Variants in TSC22D4 observed in about 807,000 individuals in gnomAD.
TSC22D4 encodes the protein TSC22 domain family protein 4.
TSC22D4 carries 5 observed loss-of-function variants against 24.9 expected under a neutral mutation model. That is an observed-to-expected ratio of 0.20 (90% CI 0.10 to 0.42). The LOEUF is 0.42. Among genes scored for constraint, TSC22D4 ranks in the 10% least tolerant of loss-of-function variants. The pLI is 1.00. For synonymous variants in TSC22D4, 245 were observed against 243.2 expected (o/e 1.01, Z -0.07); for missense variants, 469 against 547.9 (o/e 0.86, Z 1.44).
chr7:100,477,268 A>G lies in TSC22D4; in HGVS notation c.762+9T>C. On this transcript the variant is annotated intron_variant, in intron 2 of 4. Transcript: ENST00000300181. This position sits in a 1 kb window ranked among gnomAD's most constrained non-coding sequence, Gnocchi z 7.8. ...GGCTGATGGGCCAGCCCTAGAACCC[A>G]GGTCTTACCTGCCCCATCTCTTCTG... 1 of 1,488,604 alleles carries G rather than the reference A, an allele frequency of 6.7e-7. No individual in the cohort carries two copies. The highest frequency in any genetic ancestry group is 1.4e-5 in the African/African-American group (1 of 70,702). 92.2% of individuals were successfully genotyped at this position (1,488,604 alleles called of 1,614,324 possible).
intron 3 of TSC22D4, among the ~76,000 whole-genome samples, chr7:100,472,735 T>G (rs1183987027): frequency 2.2e-5 from 2 of 90,750 alleles, no homozygotes; most frequent in African/African-American, 8.6e-5. Context: ...GCACTGGCAC[T>G]CTTGCCCTCC....
At chr7:100,475,270 G>C (rs1216517184) in intron 2 of TSC22D4, among the ~76,000 whole-genome samples, 2 of 152,100 alleles carry the variant, frequency 1.3e-5, no homozygotes, top group Non-Finnish European at 2.9e-5. Flanking sequence ...TTTTAGTAGA[G>C]ACGACAGGGT....
rs1183236947 is a variant in TSC22D4 at position 100,471,858 on chromosome 7, C to T, written c.929+2416G>A. On this transcript the variant is annotated intron_variant, in intron 3 of 4. Transcript: ENST00000300181. ...AGGATTAGAAGGGAGAAGGCAGTAC[C>T]GGACCCAAGGGAGGCACTGGATAAA... is the stretch of plus-strand genomic sequence containing the variant. Among the ~76,000 whole-genome samples the T allele has an allele frequency of 7.9e-5, 12 of 152,144 alleles. No homozygotes were observed. The East Asian group carries it at 1.2e-3, about 15-fold the overall frequency.
chr7:100,471,636 A>G (rs1799395117), intron 3 of TSC22D4, among the ~76,000 whole-genome samples: 1 of 152,128 alleles, frequency 6.6e-6, no homozygotes, highest in Non-Finnish European at 1.5e-5. Flanking sequence ...GCTACTGGGG[A>G]GGCTGAGCCA....
chr7:100,467,353 C>T, intron 4 of TSC22D4, 185 bp from the exon 5 acceptor site: 2 of 840,642 alleles, frequency 2.4e-6, no homozygotes, highest in Non-Finnish European at 3.9e-6. Flanking sequence ...AGATGGGGAC[C>T]AGTAGCCAGA....
chr7:100,466,901 G>A lies in TSC22D4; in HGVS notation c.*58C>T. 6.9e-7 allele frequency: 1 copy of A among 1,439,832 alleles called. No homozygotes were observed. The highest frequency in any genetic ancestry group is 9.3e-7 in the Non-Finnish European group (1 of 1,075,804). The allele number at this position is 1,439,832 out of a possible 1,614,324, so 89.2% of individuals were successfully genotyped here. On this transcript the variant is annotated 3_prime_UTR_variant, in exon 5 of 5. Transcript: ENST00000300181. ...CATTAAAGCTGCATAGGAAGAGGGGGCAGGCGGCTGACGCAAGGCCGGGCA... is the reference window on the plus strand; with the variant it reads ...CATTAAAGCTGCATAGGAAGAGGGGACAGGCGGCTGACGCAAGGCCGGGCA...
intron 3 of TSC22D4, among the ~76,000 whole-genome samples, chr7:100,471,412 C>T (rs1367763517): frequency 6.6e-6 from 1 of 152,180 alleles, no homozygotes; most frequent in Non-Finnish European, 1.5e-5. Flanking sequence ...AGTCCAGCCA[C>T]TTAAACTAGC....
In TSC22D4 at chr7:100,478,145, C is replaced by G. The variant is rs1799545796; in HGVS notation, c.-107G>C. ...GGGCCACATGGCGGGGACATCCGAG[C>G]CCCTGGGGACGTCTGGGTCCGACAT... On this transcript the variant is annotated 5_prime_UTR_variant, in exon 2 of 5. Coordinates refer to ENST00000300181, the MANE Select transcript of TSC22D4 (RefSeq NM_030935.5). 3 of 1,001,624 alleles carry G rather than the reference C, an allele frequency of 3.0e-6. No homozygotes were observed. Among genetic ancestry groups the G allele is most frequent in the South Asian group, 1.7e-5 (1 of 59,992 alleles). 62.0% of individuals were successfully genotyped at this position (1,001,624 alleles called of 1,614,324 possible).
intron 3 of TSC22D4, among the ~76,000 whole-genome samples, chr7:100,469,077 A>G (rs1426658461): frequency 6.6e-6 from 1 of 150,852 alleles, no homozygotes; most frequent in Non-Finnish European, 1.5e-5. Context: ...AGTACAAAAA[A>G]TTAGCTGGGC....
chr7:100,469,386 A>G (rs1432585299), intron 3 of TSC22D4, among the ~76,000 whole-genome samples: 1 of 152,042 alleles, frequency 6.6e-6, no homozygotes, highest in African/African-American at 2.4e-5. Context: ...CTGGGGTGAC[A>G]GGGTCTGGCT....
intron 1 of TSC22D4, 62 bp from the exon 2 acceptor site, chr7:100,478,369 GTGT>G (rs1488050800): frequency 3.5e-5 from 9 of 256,300 alleles, no homozygotes; most frequent in African/African-American, 1.4e-4. Flanking sequence ...GTGTGTGTGT[GTGT>G]GTGTGTGTGT....
At chr7:100,470,358 T>C (rs1432798355) in intron 3 of TSC22D4, among the ~76,000 whole-genome samples, 3 of 152,144 alleles carry the variant, frequency 2.0e-5, no homozygotes, top group Non-Finnish European at 4.4e-5. Context: ...AATGGCGGGA[T>C]TTTCCCTCAT....
rs769742452 is a variant in TSC22D4, at chr7:100,477,639, C to T, written c.400G>A (p.Gly134Ser). The T allele has an allele frequency of 4.1e-5, 66 of 1,594,924 alleles. No individual in the cohort carries two copies. Among genetic ancestry groups the T allele is most frequent in the Non-Finnish European group, 5.5e-5 (65 of 1,175,424 alleles). ...GACGGTGGGGTGGGGGCGCCCAGGC[C>T]GAGGCTGGCCAGCTCCAACCTGGAA... ...LDSRLELASLGLGAPTPPSGL... is the reference protein window; with the variant it reads ...LDSRLELASLSLGAPTPPSGL... Residue 134 changes from glycine to serine, a missense_variant, in exon 2 of 5, where the codon GGC becomes AGC. Coordinates refer to ENST00000300181, the MANE Select transcript of TSC22D4 (RefSeq NM_030935.5). This position sits in a 1 kb window ranked among gnomAD's most constrained non-coding sequence, Gnocchi z 7.8.
chr7:100,467,298 G>A, intron 4 of TSC22D4, 130 bp from the exon 5 acceptor site: 1 of 1,059,144 alleles, frequency 9.4e-7, no homozygotes. Flanking sequence ...GAAGGGACAG[G>A]GGAAAAGGAC....
intron 4 of TSC22D4, 180 bp from the exon 5 acceptor site, chr7:100,467,348 G>C (rs943852384): frequency 5.6e-5 from 47 of 842,908 alleles, no homozygotes; most frequent in Admixed American, 5.2e-4. Flanking sequence ...GACAGAGATG[G>C]GGACCAGTAG....
In TSC22D4 at chr7:100,475,675, G is replaced by C. The variant is rs554174110; in HGVS notation, c.763-1235C>G. 2.4e-4 allele frequency among the ~76,000 whole-genome samples: 36 copies of C among 151,538 alleles called. No individual in the cohort carries two copies. The East Asian group carries it at 6.6e-3, about 28-fold the overall frequency. ...TGCTCCTGCGCTCTGCCCTAGGGTTGGGGGGGGAGCTGGTTGTGGAGCTGG... is the reference window on the plus strand; with the variant it reads ...TGCTCCTGCGCTCTGCCCTAGGGTTCGGGGGGGAGCTGGTTGTGGAGCTGG... On this transcript the variant is annotated intron_variant, in intron 2 of 4. Coordinates refer to ENST00000300181, the MANE Select transcript of TSC22D4 (RefSeq NM_030935.5).
chr7:100,475,893 T>C (rs1799487091), intron 2 of TSC22D4, among the ~76,000 whole-genome samples: 1 of 151,942 alleles, frequency 6.6e-6, no homozygotes, highest in South Asian at 2.1e-4. Flanking sequence ...GCCCAGGTGG[T>C]GTCCCCTGGC....
At position 100,466,684 on chromosome 7, in the gene TSC22D4, C is replaced by G. The variant is rs1799282663; in HGVS notation, c.*275G>C. ...TCTGCCGGGGAGCCTCCGACTCCCC[C>G]AAGCCGTCTACTGCTGGGGGGTCCC... is the stretch of plus-strand genomic sequence containing the variant. On this transcript the variant is annotated 3_prime_UTR_variant, in exon 5 of 5. Transcript: ENST00000300181. 3 of 484,892 alleles carry G rather than the reference C, an allele frequency of 6.2e-6. No individual in the cohort carries two copies. Among genetic ancestry groups the G allele is most frequent in the Non-Finnish European group, 1.1e-5 (3 of 273,586 alleles). The allele number at this position is 484,892 out of a possible 1,614,324, so 30.0% of individuals were successfully genotyped here. A position where few individuals can be genotyped will look rare whatever the true frequency, so the allele number is the denominator to read the frequency against.
chr7:100,468,669 G>C (rs1799335354), intron 3 of TSC22D4, among the ~76,000 whole-genome samples: 3 of 152,224 alleles, frequency 2.0e-5, no homozygotes, highest in African/African-American at 7.2e-5. Flanking sequence ...AGGCGTGGTG[G>C]CTCACACCTG....
Sources: gnomAD v4.1 joint callset for allele counts (sites outside exome capture counted in the v4.1 genomes callset) on GRCh38, gnomAD v4.1.1 for gene constraint, Gnocchi (gnomAD v3.1) non-coding constraint, MANE v1.5 for transcripts, NCBI Gene and HGNC (gene_info 2026-07-23, HGNC 2026-07-21) for gene names.